KCNJ6: variants seen among roughly 807,000 people sequenced by gnomAD.
KCNJ6 encodes G protein-activated inward rectifier potassium channel 2.
Under a neutral mutation model 34.2 loss-of-function variants are expected in KCNJ6, and 9 were observed. That is an observed-to-expected ratio of 0.26 (90% CI 0.16 to 0.46). KCNJ6 has a LOEUF of 0.46. Among genes scored for constraint, KCNJ6 ranks in the 20% least tolerant of loss-of-function variants. The pLI is 1.00. For synonymous variants in KCNJ6, 196 were observed against 207.1 expected, an observed-to-expected ratio of 0.95 and a Z score of 0.46; for missense variants, 236 against 531.3, an observed-to-expected ratio of 0.44 and a Z score of 5.46.
chr21:37,663,772 A>G (rs1290586695), intron 3 of KCNJ6, among the ~76,000 whole-genome samples: 1 of 152,242 alleles, frequency 6.6e-6, no homozygotes, highest in Non-Finnish European at 1.5e-5. Flanking sequence ...CACAGTCACC[A>G]TCATAATGAC....
intron 2 of KCNJ6, among the ~76,000 whole-genome samples, chr21:37,743,783 A>T (rs575167360): frequency 3.5e-4 from 53 of 152,200 alleles, no homozygotes; most frequent in African/African-American, 1.3e-3. Context: ...AGACTATGAC[A>T]GTACTAGACA....
At chr21:37,793,390 CT>C (rs2123523827) in intron 2 of KCNJ6, among the ~76,000 whole-genome samples, 1 of 152,182 alleles carries the variant, frequency 6.6e-6, no homozygotes, top group South Asian at 2.1e-4. Context: ...GCTGAGATGC[CT>C]TTGGTGGCAC....
At chr21:37,794,455 A>G (rs2055231392) in intron 2 of KCNJ6, among the ~76,000 whole-genome samples, 1 of 152,232 alleles carries the variant, frequency 6.6e-6, no homozygotes, top group East Asian at 1.9e-4. Flanking sequence ...AAGGTATATG[A>G]AGTGCTTAAA....
chr21:37,657,976 C>T (rs948556211), intron 3 of KCNJ6, among the ~76,000 whole-genome samples: 4 of 152,192 alleles, frequency 2.6e-5, no homozygotes, highest in Non-Finnish European at 4.4e-5. Flanking sequence ...CCTTGCCTTG[C>T]CTTGCAGGGC....
In KCNJ6 at chr21:37,625,632, T is replaced by C. The variant is rs543299219; in HGVS notation, c.947-148A>G. 15 of 613,384 alleles carry C rather than the reference T, an allele frequency of 2.4e-5. 1 individual carries two copies. The South Asian group carries it at 2.5e-4, about 10-fold the overall frequency. The allele number at this position is 613,384 out of a possible 1,614,324, so 38.0% of individuals were successfully genotyped here. On this transcript the variant is annotated intron_variant, in intron 3 of 3. Transcript: ENST00000609713. Reference sequence around the variant, plus strand: ...CACTTAGTAGGTGTCATTCATGTTGTAGACACATGCTAATGTGCCATGGAG... The same window carrying C: ...CACTTAGTAGGTGTCATTCATGTTGCAGACACATGCTAATGTGCCATGGAG...
intron 2 of KCNJ6, among the ~76,000 whole-genome samples, chr21:37,751,239 T>C (rs921572206): frequency 6.6e-6 from 1 of 152,190 alleles, no homozygotes; most frequent in South Asian, 2.1e-4. Flanking sequence ...TCTGCTAATT[T>C]TCCAATCTCT....
intron 1 of KCNJ6, among the ~76,000 whole-genome samples, chr21:37,902,443 C>T (rs1241212075): frequency 6.6e-6 from 1 of 152,172 alleles, no homozygotes; most frequent in Non-Finnish European, 1.5e-5. Flanking sequence ...GTCCTCACAG[C>T]ATTCATAGAA....
At chr21:37,632,144 G>A (rs1186057403) in intron 3 of KCNJ6, among the ~76,000 whole-genome samples, 1 of 151,924 alleles carries the variant, frequency 6.6e-6, no homozygotes, top group African/African-American at 2.4e-5. Flanking sequence ...ATCTCACAGA[G>A]GAGAGAACTG....
chr21:37,863,711 C>T (rs768661025), intron 1 of KCNJ6, among the ~76,000 whole-genome samples: 12 of 152,072 alleles, frequency 7.9e-5, no homozygotes, highest in South Asian at 2.1e-4. Flanking sequence ...ATAACATCAA[C>T]GCCCCACTTC....
At chr21:37,805,843 G>T (rs1215284275) in intron 2 of KCNJ6, among the ~76,000 whole-genome samples, 3 of 152,186 alleles carry the variant, frequency 2.0e-5, no homozygotes, top group Non-Finnish European at 2.9e-5. Context: ...GGAATGCCAA[G>T]GATCTCTGTC....
Position 37,745,072 on chromosome 21 carries a change from GTTTTTTTTTTTTTTTTTTTTTT to G in KCNJ6, c.26-29963_26-29942del, listed in dbSNP as rs58661633. On this transcript the variant is annotated intron_variant, in intron 2 of 3. Transcript: ENST00000609713. Reference sequence around the variant, plus strand: ...AGAAGGACTTAGCCCAACGTTGCTGGTTTTTTTTTTTTTTTTTTTTTTTTTTTTTTTTTTTTTTGACAGACAG... The same window carrying G: ...AGAAGGACTTAGCCCAACGTTGCTGGTTTTTTTTTTTTTTTTGACAGACAG... 9.8e-3 allele frequency among the ~76,000 whole-genome samples: 876 copies of G among 89,476 alleles called. 19 individuals carry two copies. Among genetic ancestry groups the G allele is most frequent in the African/African-American group, 0.041 (825 of 19,966 alleles). The allele number at this position is 89,476 out of a possible 152,430, so 58.7% of individuals were successfully genotyped here. A position where few individuals can be genotyped will look rare whatever the true frequency, so the allele number is the denominator to read the frequency against.
rs2055891598 is a variant in KCNJ6 at position 37,915,956 on chromosome 21, C to T, written c.-100G>A. The T allele has an allele frequency of 6.6e-6, 1 of 152,594 alleles. No individual in the cohort carries two copies. Among genetic ancestry groups the T allele is most frequent in the African/African-American group, 2.4e-5 (1 of 41,460 alleles). The allele number at this position is 152,594 out of a possible 1,614,324, so 9.5% of individuals were successfully genotyped here. ...AAACGGAGCAAGACTGAACAATTCA[C>T]TACACGACGGATGGCGAGGGAAGGA... is the stretch of plus-strand genomic sequence containing the variant. On this transcript the variant is annotated 5_prime_UTR_variant, in exon 1 of 4. The change creates a new upstream start codon in the 5' untranslated region. Transcript: ENST00000609713.
At chr21:37,634,361 C>T (rs1446486213) in intron 3 of KCNJ6, among the ~76,000 whole-genome samples, 2 of 152,200 alleles carry the variant, frequency 1.3e-5, no homozygotes, top group African/African-American at 2.4e-5. Flanking sequence ...TTTTCCCCTT[C>T]TGCAATGAGT....
chr21:37,853,835 C>CATATATATGTGTGTATATATATATATAT (rs1399366665), intron 1 of KCNJ6, among the ~76,000 whole-genome samples: 2 of 43,238 alleles, frequency 4.6e-5, no homozygotes, highest in African/African-American at 1.8e-4. Flanking sequence ...TTAAGAGATA[C>CATATATATGTGTGTATATATATATATAT]ATATATATAT....
chr21:37,895,491 A>G (rs939669330), intron 1 of KCNJ6, among the ~76,000 whole-genome samples: 7 of 152,168 alleles, frequency 4.6e-5, no homozygotes, highest in African/African-American at 1.7e-4. Flanking sequence ...CCATGATCCA[A>G]CATTTCTCTC....
chr21:37,865,183 G>A (rs2055616412), intron 1 of KCNJ6, among the ~76,000 whole-genome samples: 1 of 152,162 alleles, frequency 6.6e-6, no homozygotes, highest in Non-Finnish European at 1.5e-5. Flanking sequence ...CCTATTGATA[G>A]GTGATTCAGA....
chr21:37,751,133 T>C (rs2054993266), intron 2 of KCNJ6, among the ~76,000 whole-genome samples: 1 of 152,226 alleles, frequency 6.6e-6, no homozygotes, highest in Non-Finnish European at 1.5e-5. Flanking sequence ...GGACTGATTT[T>C]TATTTTTTTG....
At position 37,714,240 on chromosome 21, in the gene KCNJ6, A is replaced by C; in HGVS notation, c.917T>G (p.Val306Gly). ...GGCTTCCACCATTCCTTCTAGGATGACCACAATTTCCAGTTCCTCTTTGGG... is the reference window on the plus strand; with the variant it reads ...GGCTTCCACCATTCCTTCTAGGATGCCCACAATTTCCAGTTCCTCTTTGGG... ...QLPKEELEIV[V>G]ILEGMVEATG... Residue 306 changes from valine (V) to glycine (G), a missense_variant, in exon 3 of 4, where the codon GTC becomes GGC. Transcript: ENST00000609713. This position sits in a 1 kb window ranked among gnomAD's most constrained non-coding sequence, Gnocchi z 5.9. 6.2e-7 allele frequency: 1 copy of C among 1,613,986 alleles called. No individual in the cohort carries two copies. The highest frequency in any genetic ancestry group is 8.5e-7 in the Non-Finnish European group (1 of 1,179,882).
At chr21:37,857,607 G>A (rs189470755) in intron 1 of KCNJ6, among the ~76,000 whole-genome samples, 54 of 152,274 alleles carry the variant, frequency 3.5e-4, no homozygotes, top group Admixed American at 3.1e-3. Flanking sequence ...GACAAAGCCC[G>A]GAATTAGACA....
Sources: gnomAD v4.1 joint callset for allele counts (sites outside exome capture counted in the v4.1 genomes callset) on GRCh38, gnomAD v4.1.1 for gene constraint, Gnocchi (gnomAD v3.1) non-coding constraint, MANE v1.5 for transcripts, NCBI Gene and HGNC (gene_info 2026-07-23, HGNC 2026-07-21) for gene names.